EXOC6B: variants seen among roughly 807,000 people sequenced by gnomAD.
EXOC6B encodes the protein SEC15 homolog B.
A neutral mutation model predicts 113.5 loss-of-function variants in EXOC6B; 54 were observed. The observed-to-expected ratio is 0.48, with a 90% confidence interval of 0.38 to 0.60. The LOEUF is 0.60. EXOC6B is among the 20% of genes least tolerant of loss of function. EXOC6B has a pLI of 0.00. For synonymous variants in EXOC6B, 357 were observed against 339.0 expected (o/e 1.05, Z -0.58); for missense variants, 797 against 977.5 (o/e 0.82, Z 2.46).
intron 20 of EXOC6B, among the ~76,000 whole-genome samples, chr2:72,242,283 G>T (rs562002106): frequency 8.5e-5 from 13 of 152,144 alleles, no homozygotes; most frequent in African/African-American, 3.1e-4. Flanking sequence ...ACTTTCTTTA[G>T]AACAAAAATA....
intron 8 of EXOC6B, among the ~76,000 whole-genome samples, chr2:72,556,344 G>A (rs1196392940): frequency 1.3e-5 from 2 of 152,206 alleles, no homozygotes; most frequent in Non-Finnish European, 1.5e-5. Flanking sequence ...GTTTCAATGG[G>A]AAATCATTAG....
intron 19 of EXOC6B, among the ~76,000 whole-genome samples, chr2:72,350,957 A>G (rs1689618135): frequency 6.6e-6 from 1 of 152,146 alleles, no homozygotes. Context: ...GCCCTCACAA[A>G]TGCTTTTGTA....
intron 1 of EXOC6B, among the ~76,000 whole-genome samples, chr2:72,748,086 T>C (rs1269890633): frequency 6.6e-6 from 1 of 152,056 alleles, no homozygotes; most frequent in Non-Finnish European, 1.5e-5. Flanking sequence ...CAGAGGTGGA[T>C]GCAAAAGTGT....
At chr2:72,586,440 C>T (rs1705576681) in intron 6 of EXOC6B, among the ~76,000 whole-genome samples, 1 of 151,944 alleles carries the variant, frequency 6.6e-6, no homozygotes, top group Non-Finnish European at 1.5e-5. Flanking sequence ...CATGAACAGG[C>T]ACTTCTCAAA....
intron 1 of EXOC6B, among the ~76,000 whole-genome samples, chr2:72,762,036 G>C (rs915466380): frequency 6.6e-6 from 1 of 152,064 alleles, no homozygotes; most frequent in Non-Finnish European, 1.5e-5. Flanking sequence ...ACAAGGTCAA[G>C]GGATCAAGAC....
chr2:72,240,560 A>G (rs1682250284), intron 20 of EXOC6B, among the ~76,000 whole-genome samples: 2 of 152,330 alleles, frequency 1.3e-5, no homozygotes, highest in South Asian at 4.1e-4. Flanking sequence ...TTGAGCCCGG[A>G]TGTTAGCGAA....
intron 18 of EXOC6B, among the ~76,000 whole-genome samples, chr2:72,401,605 GTA>G (rs767434301): frequency 0.22 from 4,123 of 18,658 alleles, 625 homozygotes; most frequent in Middle Eastern, 0.31. Flanking sequence ...ATATATATGT[GTA>G]TATATATATA....
At chr2:72,496,636 G>C (rs1573257300) in intron 13 of EXOC6B, 77 bp from the exon 14 acceptor site, 1 of 843,842 alleles carries the variant, frequency 1.2e-6, no homozygotes, top group East Asian at 2.6e-5. Flanking sequence ...CAGAGGGAAG[G>C]TGGGTTAATC....
intron 2 of EXOC6B, among the ~76,000 whole-genome samples, chr2:72,734,066 A>G (rs1455274603): frequency 6.6e-6 from 1 of 152,190 alleles, no homozygotes; most frequent in Non-Finnish European, 1.5e-5. Flanking sequence ...GTAAATGCCC[A>G]AGAAAGGGAT....
At chr2:72,622,990 G>T (rs1239041691) in intron 6 of EXOC6B, among the ~76,000 whole-genome samples, 2 of 152,234 alleles carry the variant, frequency 1.3e-5, no homozygotes, top group Non-Finnish European at 2.9e-5. Flanking sequence ...AAAGGTTATA[G>T]GGACTGAACT....
chr2:72,413,512 ATC>A (rs1249724760), intron 18 of EXOC6B, among the ~76,000 whole-genome samples: 1 of 150,840 alleles, frequency 6.6e-6, no homozygotes, highest in African/African-American at 2.4e-5. Flanking sequence ...GTGAAACCCA[ATC>A]TCTACTAAAA....
At chr2:72,779,530 T>G (rs1683906468) in intron 1 of EXOC6B, among the ~76,000 whole-genome samples, 1 of 152,116 alleles carries the variant, frequency 6.6e-6, no homozygotes, top group African/African-American at 2.4e-5. Context: ...CCGCTTTAAG[T>G]TTTTCTAACT....
chr2:72,545,582 A>C (rs1268437408), intron 8 of EXOC6B, among the ~76,000 whole-genome samples: 3 of 152,206 alleles, frequency 2.0e-5, no homozygotes, highest in Non-Finnish European at 2.9e-5. Context: ...ATTCAGAGTG[A>C]GGTAGTCTCT....
At chr2:72,401,770 A>AAGTTTCTGTTAAAAAT (rs1481687996) in intron 18 of EXOC6B, among the ~76,000 whole-genome samples, 9 of 142,902 alleles carry the variant, frequency 6.3e-5, no homozygotes, top group Non-Finnish European at 1.2e-4. Context: ...CAGAAACAGA[A>AAGTTTCTGTTAAAAAT]AGTTTCTGTT....
intron 6 of EXOC6B, among the ~76,000 whole-genome samples, chr2:72,592,044 T>G (rs990670393): frequency 9.2e-5 from 14 of 152,036 alleles, no homozygotes; most frequent in African/African-American, 3.4e-4. Context: ...ATCAAAATTT[T>G]ATAATACAAA....
chr2:72,410,088 C>G (rs1694069689), intron 18 of EXOC6B, among the ~76,000 whole-genome samples: 1 of 152,104 alleles, frequency 6.6e-6, no homozygotes, highest in Non-Finnish European at 1.5e-5. Context: ...TGCTGTAATC[C>G]TTTGACTCTT....
chr2:72,501,217 T>C (rs758303197), intron 11 of EXOC6B, among the ~76,000 whole-genome samples: 1 of 152,154 alleles, frequency 6.6e-6, no homozygotes, highest in Non-Finnish European at 1.5e-5. Flanking sequence ...GTGTCAAAGG[T>C]AGCACCTAGT....
chr2:72,817,794 C>T (rs922818801), intron 1 of EXOC6B, among the ~76,000 whole-genome samples: 1 of 152,184 alleles, frequency 6.6e-6, no homozygotes, highest in African/African-American at 2.4e-5. Context: ...TTTGGCACTA[C>T]CTTCAAAACA....
chr2:72,521,713 T>C (rs952412424), intron 8 of EXOC6B, among the ~76,000 whole-genome samples: 1 of 152,204 alleles, frequency 6.6e-6, no homozygotes, highest in Non-Finnish European at 1.5e-5. Context: ...AACTTTTTTT[T>C]TGAGATGGAG....
Sources: gnomAD v4.1 joint callset for allele counts (sites outside exome capture counted in the v4.1 genomes callset) on GRCh38, gnomAD v4.1.1 for gene constraint, MANE v1.5 for transcripts, NCBI Gene and HGNC (gene_info 2026-07-23, HGNC 2026-07-21) for gene names.